CACNB4: variants seen among roughly 807,000 people sequenced by gnomAD.
The protein encoded by CACNB4 is voltage-dependent L-type calcium channel subunit beta-4.
In CACNB4, 32 loss-of-function variants were observed where a neutral mutation model predicts 71.2. The ratio of observed to expected loss-of-function variants is 0.45; its 90% CI spans 0.34 to 0.60. CACNB4 has a LOEUF of 0.60. CACNB4 is among the 20% of genes least tolerant of loss of function. The pLI is 0.01. For missense variants in CACNB4, 464 were observed against 647.9 expected, an observed-to-expected ratio of 0.72 and a Z score of 3.08; for synonymous variants, 231 against 236.9, an observed-to-expected ratio of 0.97 and a Z score of 0.23.
intron 12 of CACNB4, among the ~76,000 whole-genome samples, chr2:151,846,207 A>C (rs1477839259): frequency 6.6e-6 from 1 of 152,190 alleles, no homozygotes. Flanking sequence ...ACATGAGACT[A>C]TCACTGCTAA....
In CACNB4 at chr2:151,839,298, A is replaced by G; in HGVS notation, c.1384T>C (p.Tyr462His). 1 of 1,613,594 alleles carries G rather than the reference A, an allele frequency of 6.2e-7. No homozygotes were observed. The highest frequency in any genetic ancestry group is 8.5e-7 in the Non-Finnish European group (1 of 1,179,566). ...RRSLMTSDEN[Y>H]HNERARKSRN... ...CTCTTCCGAGCCCTTTCATTGTGAT[A>G]ATTTTCATCAGAGGTCATTAGACTT... Residue 462 changes from tyrosine to histidine, a missense_variant, in exon 14 of 14, where the codon TAT becomes CAT. Physicochemically the swap from Tyr to His is moderately conservative, Grantham distance 83. Around this residue, in one of 3 missense-constraint regions of CACNB4, gnomAD observed 115 missense variants for 128.8 expected, o/e 0.89. Coordinates refer to ENST00000539935, the MANE Select transcript of CACNB4 (RefSeq NM_000726.5).
intron 2 of CACNB4, among the ~76,000 whole-genome samples, chr2:152,074,049 G>A (rs1364498841): frequency 1.3e-5 from 2 of 152,088 alleles, no homozygotes; most frequent in Non-Finnish European, 2.9e-5. Flanking sequence ...AGGGGACTGA[G>A]TTCAGAATAA....
chr2:152,089,572 G>A (rs577580342), intron 2 of CACNB4, among the ~76,000 whole-genome samples: 33 of 152,274 alleles, frequency 2.2e-4, no homozygotes, highest in African/African-American at 6.5e-4. Context: ...GAAAGCTCCA[G>A]CAAAGGGACA....
chr2:151,864,633 C>T (rs561701588), intron 9 of CACNB4, among the ~76,000 whole-genome samples: 5 of 152,178 alleles, frequency 3.3e-5, no homozygotes, highest in East Asian at 1.9e-4. Context: ...ACAGGAGACC[C>T]GAGTATCTTC....
chr2:151,986,232 CTT>C lies in CACNB4; in HGVS notation c.148-102864_148-102863del, dbSNP rs373423047. Among the ~76,000 whole-genome samples, 131 of 152,258 alleles carry C rather than the reference CTT, an allele frequency of 8.6e-4. 1 individual carries two copies. The highest frequency in any genetic ancestry group is 4.7e-3 in the Admixed American group (72 of 15,294). On this transcript the variant is annotated intron_variant, in intron 2 of 13. Coordinates refer to ENST00000539935, the MANE Select transcript of CACNB4 (RefSeq NM_000726.5). ...TGTTAGTCTCATTTCTAAGAATGCT[CTT>C]GTTTCATATGAAAAAAAAGTAATCT...
chr2:152,092,222 C>A (rs182691995), intron 2 of CACNB4, among the ~76,000 whole-genome samples: 60 of 152,326 alleles, frequency 3.9e-4, no homozygotes, highest in African/African-American at 1.4e-3. Context: ...TTCTAAAATT[C>A]TGTGATTCTA....
chr2:152,039,711 C>T (rs1684776786), intron 2 of CACNB4, among the ~76,000 whole-genome samples: 1 of 152,168 alleles, frequency 6.6e-6, no homozygotes, highest in Non-Finnish European at 1.5e-5. Context: ...TAGGGTGGGA[C>T]CAAGCACTGA....
At chr2:152,001,243 C>G (rs560515952) in intron 2 of CACNB4, among the ~76,000 whole-genome samples, 15 of 152,204 alleles carry the variant, frequency 9.9e-5, no homozygotes, top group Admixed American at 9.8e-4. Context: ...TGGCCAAAGG[C>G]TGAGTGCCAA....
intron 2 of CACNB4, among the ~76,000 whole-genome samples, chr2:152,054,984 T>C (rs559751885): frequency 6.6e-6 from 1 of 152,286 alleles, no homozygotes; most frequent in Non-Finnish European, 1.5e-5. Context: ...ATATAAGATT[T>C]GCAAATATTT....
At position 152,027,760 on chromosome 2, in the gene CACNB4, G is replaced by A. The variant is rs189674214; in HGVS notation, c.147+70570C>T. On this transcript the variant is annotated intron_variant, in intron 2 of 13. Transcript: ENST00000539935. Reference sequence around the variant, plus strand: ...CCAGCTACTCAGGAGGCTGAGGCAGGAGAATCGCTTGAACCCGGGAGGCGG... The same window carrying A: ...CCAGCTACTCAGGAGGCTGAGGCAGAAGAATCGCTTGAACCCGGGAGGCGG... Among the ~76,000 whole-genome samples the A allele has an allele frequency of 9.9e-3, 1,469 of 148,032 alleles. 14 individuals are homozygous for A. Among genetic ancestry groups the A allele is most frequent in the Non-Finnish European group, 0.016 (1,090 of 67,446 alleles).
intron 2 of CACNB4, among the ~76,000 whole-genome samples, chr2:152,051,661 C>G (rs539338960): frequency 1.3e-5 from 2 of 152,150 alleles, no homozygotes; most frequent in Admixed American, 6.5e-5. Flanking sequence ...AACAAGAACC[C>G]AAACATGCTG....
intron 2 of CACNB4, among the ~76,000 whole-genome samples, chr2:151,901,496 C>T (rs2099853417): frequency 6.6e-6 from 1 of 152,036 alleles, no homozygotes; most frequent in South Asian, 2.1e-4. Flanking sequence ...AAAGGTTCTT[C>T]ACCAATTTTA....
At chr2:152,049,253 C>A (rs1438402098) in intron 2 of CACNB4, among the ~76,000 whole-genome samples, 1 of 152,008 alleles carries the variant, frequency 6.6e-6, no homozygotes, top group African/African-American at 2.4e-5. Flanking sequence ...CAACCTCCAC[C>A]TCCCAGGTTC....
intron 2 of CACNB4, among the ~76,000 whole-genome samples, chr2:152,066,034 T>C (rs1686298765): frequency 6.6e-6 from 1 of 152,164 alleles, no homozygotes. Flanking sequence ...AATGAATGCA[T>C]CTTAAATCAA....
intron 2 of CACNB4, among the ~76,000 whole-genome samples, chr2:151,981,930 T>A (rs2099874789): frequency 6.6e-6 from 1 of 152,122 alleles, no homozygotes; most frequent in African/African-American, 2.4e-5. Context: ...CGACACTCAT[T>A]CTAGATCCCT....
chr2:151,929,825 C>A (rs957320959), intron 2 of CACNB4, among the ~76,000 whole-genome samples: 8 of 152,000 alleles, frequency 5.3e-5, no homozygotes, highest in African/African-American at 1.2e-4. Context: ...AATTTCCAGG[C>A]TCTATATGAA....
intron 13 of CACNB4, among the ~76,000 whole-genome samples, chr2:151,840,928 A>C (rs2099836052): frequency 6.6e-6 from 1 of 152,196 alleles, no homozygotes; most frequent in African/African-American, 2.4e-5. Context: ...GTAGAAAGGC[A>C]GGCTCATTTT....
At chr2:151,910,156 T>C (rs145475854) in intron 2 of CACNB4, among the ~76,000 whole-genome samples, 90 of 152,338 alleles carry the variant, frequency 5.9e-4, no homozygotes, top group African/African-American at 2.0e-3. Flanking sequence ...TTTTTTCATA[T>C]GTTTGTTGGC....
At chr2:151,959,220 G>T (rs944983334) in intron 2 of CACNB4, among the ~76,000 whole-genome samples, 11 of 152,276 alleles carry the variant, frequency 7.2e-5, no homozygotes, top group East Asian at 5.8e-4. Flanking sequence ...CTCATTTTCT[G>T]CCGGAAGTCA....
Sources: gnomAD v4.1 joint callset for allele counts (sites outside exome capture counted in the v4.1 genomes callset) on GRCh38, gnomAD v4.1.1 for gene constraint, gnomAD v4.1.1 regional missense constraint, MANE v1.5 for transcripts, NCBI Gene and HGNC (gene_info 2026-07-23, HGNC 2026-07-21) for gene names.